Variants in IL26 observed in about 807,000 individuals in gnomAD.
IL26 encodes the protein interleukin 26.
In IL26, 23 loss-of-function variants were observed where a neutral mutation model predicts 21.7. That is an observed-to-expected ratio of 1.06 (90% CI 0.76 to 1.50). The LOEUF is 1.50. IL26 is among the 40% of genes most tolerant of loss of function. The pLI is 0.00. For missense variants in IL26, 204 were observed against 196.0 expected, an observed-to-expected ratio of 1.04 and a Z score of -0.24; for synonymous variants, 63 against 67.8, an observed-to-expected ratio of 0.93 and a Z score of 0.34.
At chr12:68,224,520 A>G (rs1288886792) in intron 3 of IL26, among the ~76,000 whole-genome samples, 2 of 152,144 alleles carry the variant, frequency 1.3e-5, no homozygotes, top group East Asian at 3.9e-4. Flanking sequence ...AAGGGGCACA[A>G]ATATTTTTTT....
intron 3 of IL26, among the ~76,000 whole-genome samples, chr12:68,211,654 T>C (rs1021620887): frequency 1.3e-5 from 2 of 152,142 alleles, no homozygotes; most frequent in Non-Finnish European, 2.9e-5. Flanking sequence ...TGATTAGTGA[T>C]ATTGAGTATT....
intron 3 of IL26, among the ~76,000 whole-genome samples, chr12:68,215,572 T>C (rs1321694833): frequency 6.6e-6 from 1 of 152,214 alleles, no homozygotes; most frequent in Admixed American, 6.5e-5. Flanking sequence ...AGAGAAATTA[T>C]GTATCATTAA....
intron 3 of IL26, among the ~76,000 whole-genome samples, chr12:68,218,779 T>C (rs1868965140): frequency 6.6e-6 from 1 of 152,000 alleles, no homozygotes; most frequent in Admixed American, 6.5e-5. Flanking sequence ...ATTCACATCA[T>C]AATCAAATTG....
intron 3 of IL26, among the ~76,000 whole-genome samples, chr12:68,212,003 A>T (rs1868746938): frequency 6.6e-6 from 1 of 152,048 alleles, no homozygotes; most frequent in South Asian, 2.1e-4. Context: ...CAATAGTTTC[A>T]TAGTGTTAGG....
chr12:68,225,622 G>C lies in IL26; in HGVS notation c.135C>G (p.Leu45=). 1 of 1,614,004 alleles carries C rather than the reference G, an allele frequency of 6.2e-7. No individual in the cohort carries two copies. The highest frequency in any genetic ancestry group is 8.5e-7 in the Non-Finnish European group (1 of 1,179,918). The change falls in exon 1 of 5, where the codon CTC becomes CTG. Residue 45 remains leucine, a synonymous_variant. Transcript: ENST00000229134. ...RGTLSQAVDA[L]YIKAAWLKAT... ...CTTTGAGCCATGCTGCTTTGATATA[G>C]AGAGCGTCAACAGCTTGGGACAATG...
intron 3 of IL26, among the ~76,000 whole-genome samples, chr12:68,214,437 AGTCCTCTGC>A (rs1461746953): frequency 1.3e-5 from 2 of 152,184 alleles, no homozygotes; most frequent in African/African-American, 4.8e-5. Flanking sequence ...GGAGTGTTGA[AGTCCTCTGC>A]TATTATTGTA....
chr12:68,223,673 G>A (rs1389059678), intron 3 of IL26, among the ~76,000 whole-genome samples: 1 of 152,118 alleles, frequency 6.6e-6, no homozygotes, highest in African/African-American at 2.4e-5. Context: ...TTGTCTTATA[G>A]GTTTAAGCAT....
At chr12:68,204,781 GACCCCTA>G (rs938173294) in intron 3 of IL26, among the ~76,000 whole-genome samples, 1 of 152,118 alleles carries the variant, frequency 6.6e-6, no homozygotes, top group African/African-American at 2.4e-5. Flanking sequence ...TACTACGAGT[GACCCCTA>G]GTAAAGATCT....
rs150012709 is a variant in IL26, at chr12:68,225,135, T to C, written c.363+14A>G. On this transcript the variant is annotated intron_variant, in intron 3 of 4. Transcript: ENST00000229134. ...TCTAGGATCAAATGCACAGTATTTG[T>C]TGTGTATACTTACACAGTGGCTCAA... The C allele has an allele frequency of 6.3e-6, 10 of 1,598,904 alleles. No homozygotes were observed. The highest frequency in any genetic ancestry group is 1.7e-4 in the Middle Eastern group (1 of 5,984).
intron 3 of IL26, among the ~76,000 whole-genome samples, chr12:68,206,862 T>C (rs747685544): frequency 6.6e-5 from 10 of 152,248 alleles, no homozygotes; most frequent in Non-Finnish European, 1.2e-4. Flanking sequence ...TCTTGGTTGG[T>C]AGAAACTGTT....
Position 68,225,460 on chromosome 12 carries a change from G to C in IL26, c.212C>G (p.Thr71Arg). 6.9e-6 allele frequency: 11 copies of C among 1,583,080 alleles called. 1 individual carries two copies. The South Asian group carries it at 1.2e-4, about 18-fold the overall frequency. Residue 71 changes from threonine to arginine, a missense_variant, in exon 2 of 5, where the codon ACA becomes AGA. By Grantham distance (71) the Thr-to-Arg change is moderately conservative (BLOSUM62 -1). Coordinates refer to ENST00000229134, the MANE Select transcript of IL26 (RefSeq NM_018402.2). ...IKNIRLLKKK[T>R]KKQFMKNCQF... The stretch of plus-strand genomic sequence containing the variant: ...CTGACTTACCATAAACTGCTTTTTT[G>C]TTTTCTTTTTTAATAATCGTATATT...
At chr12:68,201,996 T>C (rs764885768) in intron 4 of IL26, 22 bp downstream of exon 4, 3 of 1,541,436 alleles carry the variant, frequency 1.9e-6, no homozygotes, top group Non-Finnish European at 2.6e-6. Context: ...AGTTTTTTAA[T>C]ATAAGGATTT....
intron 3 of IL26, among the ~76,000 whole-genome samples, chr12:68,210,494 A>G (rs1470630810): frequency 6.6e-6 from 1 of 152,002 alleles, no homozygotes; most frequent in Non-Finnish European, 1.5e-5. Flanking sequence ...GCATGATTAG[A>G]TTTACAAGCA....
intron 3 of IL26, among the ~76,000 whole-genome samples, chr12:68,208,498 CTTTG>C (rs752721965): frequency 1.4e-5 from 2 of 143,520 alleles, no homozygotes; most frequent in South Asian, 2.1e-4. Context: ...TTCTTTCTTT[CTTTG>C]TTTCTTTTTT....
chr12:68,211,931 C>G lies in IL26; in HGVS notation c.364-9848G>C, dbSNP rs528755287. On this transcript the variant is annotated intron_variant, in intron 3 of 4. Coordinates refer to ENST00000229134, the MANE Select transcript of IL26 (RefSeq NM_018402.2). ...CTTTGGTTGTCTGTACTTTCGAGGACTTACTCAAAAAAAAATCTCTGCCCA... is the reference window on the plus strand; with the variant it reads ...CTTTGGTTGTCTGTACTTTCGAGGAGTTACTCAAAAAAAAATCTCTGCCCA... Among the ~76,000 whole-genome samples the G allele has an allele frequency of 6.7e-4, 100 of 149,436 alleles. 1 individual carries two copies. The highest frequency in any genetic ancestry group is 2.0e-3 in the African/African-American group (83 of 40,812).
At chr12:68,221,656 CA>C (rs1555189610) in intron 3 of IL26, among the ~76,000 whole-genome samples, 1 of 152,184 alleles carries the variant, frequency 6.6e-6, no homozygotes, top group Non-Finnish European at 1.5e-5. Flanking sequence ...AAATGAACTG[CA>C]AGTGAAATAG....
rs182862196 is a variant in IL26 at position 68,202,470 on chromosome 12, A to G, written c.364-387T>C. Among the ~76,000 whole-genome samples the G allele has an allele frequency of 7.2e-5, 11 of 152,296 alleles. No individual in the cohort carries two copies. In the East Asian group the frequency reaches 1.9e-3, roughly 27 times the overall value. ...AGACTGGGTAATTTATAAAGAAAAG[A>G]AGTTTAATTGACTCACAGTTCTGCA... On this transcript the variant is annotated intron_variant, in intron 3 of 4. Coordinates refer to ENST00000229134, the MANE Select transcript of IL26 (RefSeq NM_018402.2).
At chr12:68,206,651 C>G (rs564158169) in intron 3 of IL26, among the ~76,000 whole-genome samples, 1 of 152,208 alleles carries the variant, frequency 6.6e-6, no homozygotes, top group Non-Finnish European at 1.5e-5. Flanking sequence ...TGATCATAAA[C>G]CTGACTGCAT....
At chr12:68,221,580 G>A (rs966908183) in intron 3 of IL26, among the ~76,000 whole-genome samples, 1 of 152,176 alleles carries the variant, frequency 6.6e-6, no homozygotes, top group East Asian at 1.9e-4. Context: ...TCAATAGTGG[G>A]CTGGTGATAT....
Sources: allele counts gnomAD v4.1 joint callset (sites outside exome capture counted in the v4.1 genomes callset), GRCh38; gene constraint gnomAD v4.1.1; transcripts MANE v1.5; gene names NCBI Gene and HGNC (gene_info 2026-07-23, HGNC 2026-07-21).